Variants in DNAJC8 observed in about 807,000 individuals in gnomAD.
The protein encoded by DNAJC8 is dnaJ homolog subfamily C member 8.
Under a neutral mutation model 43.2 loss-of-function variants are expected in DNAJC8, and 24 were observed. The ratio of observed to expected loss-of-function variants is 0.56; its 90% CI spans 0.40 to 0.78. DNAJC8 has a LOEUF of 0.78. Ranked by LOEUF, DNAJC8 falls within the 30% of genes least tolerant of loss-of-function variation. The probability of loss-of-function intolerance (pLI) is 0.00; values close to 1 mark genes in which losing one functional copy is unlikely to be tolerated. For synonymous variants in DNAJC8, 83 were observed against 98.0 expected (o/e 0.85, Z 0.90); for missense variants, 207 against 299.4 (o/e 0.69, Z 2.28).
intron 2 of DNAJC8, among the ~76,000 whole-genome samples, chr1:28,221,181 T>C (rs903008650): frequency 6.6e-6 from 1 of 150,900 alleles, no homozygotes. Flanking sequence ...CTATGAAAAA[T>C]ACAAAAAATT....
intron 1 of DNAJC8, 132 bp from the exon 2 acceptor site, chr1:28,229,155 A>G (rs1646957392): frequency 1.4e-6 from 1 of 732,832 alleles, no homozygotes; most frequent in African/African-American, 1.8e-5. Flanking sequence ...ATTTTGCTAA[A>G]TGCTTTGAGA....
In DNAJC8 at chr1:28,228,975, T is replaced by G. The variant is rs766926089; in HGVS notation, c.127A>C (p.Ile43Leu). 3 of 1,613,800 alleles carry G rather than the reference T, an allele frequency of 1.9e-6. No homozygotes were observed. In the African/African-American group the frequency reaches 4.0e-5, roughly 22 times the overall value. Residue 43 changes from isoleucine to leucine, a missense_variant, in exon 2 of 9, where the codon ATT becomes CTT. Physicochemically the swap from Ile to Leu is conservative, Grantham distance 5. This residue lies in a region of DNAJC8 where 159 missense variants were observed against 267.5 expected (regional missense o/e 0.59). Transcript: ENST00000263697. ...GAACCAGGACGGGTCAGTCTTTCAA[T>G]CTGATTTTTCGAAGTTAGAACCGAG... The part of the protein sequence containing the change: ...RDSVLTSKNQ[I>L]ERLTRPGSSY...
At chr1:28,221,968 G>A (rs1646901318) in intron 2 of DNAJC8, among the ~76,000 whole-genome samples, 1 of 152,150 alleles carries the variant, frequency 6.6e-6, no homozygotes, top group Non-Finnish European at 1.5e-5. Flanking sequence ...CATTGTACTA[G>A]ATGAAATAAG....
intron 2 of DNAJC8, 65 bp downstream of exon 2, chr1:28,228,857 A>T: frequency 7.7e-7 from 1 of 1,297,624 alleles, no homozygotes; most frequent in Non-Finnish European, 1.1e-6. Flanking sequence ...ATTCTGATGT[A>T]GGTATGCCTG....
intron 3 of DNAJC8, among the ~76,000 whole-genome samples, chr1:28,210,930 G>A (rs1362591270): frequency 1.2e-4 from 19 of 152,168 alleles, no homozygotes; most frequent in Admixed American, 1.2e-3. Flanking sequence ...ACCACTTTGG[G>A]AGGCTGAGGT....
At chr1:28,202,588 CTTTTTTTTTT>C (rs369024181) in intron 8 of DNAJC8, among the ~76,000 whole-genome samples, 3 of 89,656 alleles carry the variant, frequency 3.3e-5, no homozygotes, top group African/African-American at 1.4e-4. Context: ...CTTTTTTTTT[CTTTTTTTTTT>C]TTTTTTTGAG....
chr1:28,220,275 C>T (rs1396818753), intron 2 of DNAJC8, among the ~76,000 whole-genome samples: 3 of 152,204 alleles, frequency 2.0e-5, no homozygotes, highest in African/African-American at 7.2e-5. Flanking sequence ...AGGTGCCACA[C>T]GTGGCATGGT....
intron 1 of DNAJC8, among the ~76,000 whole-genome samples, chr1:28,230,867 G>C (rs556094144): frequency 2.0e-5 from 3 of 152,148 alleles, no homozygotes; most frequent in African/African-American, 7.2e-5. Context: ...TGTTACAATT[G>C]CAAGAAATAA....
At chr1:28,222,522 T>C (rs1470230420) in intron 2 of DNAJC8, among the ~76,000 whole-genome samples, 2 of 145,056 alleles carry the variant, frequency 1.4e-5, no homozygotes, top group African/African-American at 5.1e-5. Context: ...CTGGTTAAGA[T>C]GGTAAATTTT....
At chr1:28,228,093 G>A (rs1646949238) in intron 2 of DNAJC8, among the ~76,000 whole-genome samples, 1 of 152,140 alleles carries the variant, frequency 6.6e-6, no homozygotes, top group African/African-American at 2.4e-5. Flanking sequence ...GCTCACGCCT[G>A]TAATCCCAGC....
chr1:28,229,066 A>C (rs982551894), intron 1 of DNAJC8, 43 bp from the exon 2 acceptor site: 29 of 1,492,792 alleles, frequency 1.9e-5, no homozygotes, highest in Non-Finnish European at 2.5e-5. Flanking sequence ...AGAATTCAAT[A>C]ACAAACTGAA....
Position 28,201,036 on chromosome 1 carries a change from C to T in DNAJC8, c.*212G>A. ...CTTCTAATACTGGTTGTTCTAGGGG[C>T]AGGGAGAGGGAAAGGTCTTTTTTTA... On this transcript the variant is annotated 3_prime_UTR_variant, in exon 9 of 9. Coordinates refer to ENST00000263697, the MANE Select transcript of DNAJC8 (RefSeq NM_014280.3). 1.6e-6 allele frequency: 1 copy of T among 625,908 alleles called. No homozygotes were observed. The highest frequency in any genetic ancestry group is 2.6e-6 in the Non-Finnish European group (1 of 378,004). The allele number at this position is 625,908 out of a possible 1,614,324, so 38.8% of individuals were successfully genotyped here. A position where few individuals can be genotyped will look rare whatever the true frequency, so the allele number is the denominator to read the frequency against.
intron 1 of DNAJC8, among the ~76,000 whole-genome samples, chr1:28,232,679 G>A (rs1439350681): frequency 6.6e-6 from 1 of 152,174 alleles, no homozygotes; most frequent in African/African-American, 2.4e-5. Flanking sequence ...CCCGCACTAT[G>A]TTGGACACAC....
rs567179178 is a variant in DNAJC8 at position 28,210,125 on chromosome 1, T to A, written c.305-59A>T. 12 of 1,465,106 alleles carry A rather than the reference T, an allele frequency of 8.2e-6. No individual in the cohort carries two copies. In the African/African-American group the frequency reaches 1.7e-4, roughly 20 times the overall value. The allele number at this position is 1,465,106 out of a possible 1,614,324, so 90.8% of individuals were successfully genotyped here. A position where few individuals can be genotyped will look rare whatever the true frequency, so the allele number is the denominator to read the frequency against. On this transcript the variant is annotated intron_variant, in intron 4 of 8. Coordinates refer to ENST00000263697, the MANE Select transcript of DNAJC8 (RefSeq NM_014280.3). ...AAACACCCTCTGAAAGTCTGAACTA[T>A]ACTCAGGCAGTGTAAATGGACTTGT...
chr1:28,220,962 A>G (rs937108491), intron 2 of DNAJC8, among the ~76,000 whole-genome samples: 1 of 152,040 alleles, frequency 6.6e-6, no homozygotes, highest in Non-Finnish European at 1.5e-5. Context: ...CATCACACAG[A>G]AACAAAAATG....
At chr1:28,227,104 C>CTCT (rs1249182683) in intron 2 of DNAJC8, among the ~76,000 whole-genome samples, 7 of 95,144 alleles carry the variant, frequency 7.4e-5, no homozygotes, top group African/African-American at 1.2e-4. Flanking sequence ...CTCTCTCTCT[C>CTCT]TTTTTTTTTT....
chr1:28,214,827 T>TA (rs1423936240), intron 3 of DNAJC8, 113 bp downstream of exon 3: 108 of 796,266 alleles, frequency 1.4e-4, no homozygotes, highest in Middle Eastern at 3.2e-4. Context: ...TACACAGCCT[T>TA]AAAAAAAAGT....
chr1:28,210,146 C>A, intron 4 of DNAJC8, 80 bp from the exon 5 acceptor site: 1 of 1,194,802 alleles, frequency 8.4e-7, no homozygotes, highest in Non-Finnish European at 1.2e-6. Flanking sequence ...TGTAAATGGA[C>A]TTGTGCTCTC....
intron 4 of DNAJC8, 135 bp from the exon 5 acceptor site, chr1:28,210,201 T>C (rs937271691): frequency 4.9e-5 from 36 of 738,222 alleles, no homozygotes; most frequent in Non-Finnish European, 7.3e-5. Flanking sequence ...TAAACTAAGT[T>C]AAAAAAAACA....
Sources: allele counts gnomAD v4.1 joint callset (sites outside exome capture counted in the v4.1 genomes callset), GRCh38; gene constraint gnomAD v4.1.1; regional missense constraint gnomAD v4.1.1; transcripts MANE v1.5; gene names NCBI Gene and HGNC (gene_info 2026-07-23, HGNC 2026-07-21).